Variants in KLHL14 observed in about 807,000 individuals in gnomAD.
KLHL14 encodes the protein kelch-like protein 14.
A neutral mutation model predicts 64.3 loss-of-function variants in KLHL14; 22 were observed. The observed-to-expected ratio is 0.34, with a 90% CI of 0.24 to 0.49. The LOEUF (loss-of-function observed/expected upper bound fraction) is 0.49, where lower values mean the gene tolerates loss of function less well. Ranked by LOEUF, KLHL14 falls within the 20% of genes least tolerant of loss-of-function variation. KLHL14 has a pLI of 0.99. For missense variants in KLHL14, 661 were observed against 789.0 expected (o/e 0.84, Z 1.94); for synonymous variants, 322 against 333.4 (o/e 0.97, Z 0.37).
intron 3 of KLHL14, among the ~76,000 whole-genome samples, chr18:32,723,639 A>G (rs1343990377): frequency 6.6e-6 from 1 of 152,144 alleles, no homozygotes; most frequent in Non-Finnish European, 1.5e-5. Context: ...TAACAATGTG[A>G]GGTCAATAGC....
At chr18:32,731,050 C>T (rs775917032) in intron 3 of KLHL14, among the ~76,000 whole-genome samples, 2 of 152,080 alleles carry the variant, frequency 1.3e-5, no homozygotes, top group Non-Finnish European at 2.9e-5. Context: ...CTTGCTCCAT[C>T]GGAAACACTT....
intron 3 of KLHL14, among the ~76,000 whole-genome samples, chr18:32,712,279 T>G (rs1416375689): frequency 1.3e-5 from 2 of 152,230 alleles, no homozygotes; most frequent in Admixed American, 1.3e-4. Flanking sequence ...CTCTAACATC[T>G]GCTCCCTGAT....
intron 2 of KLHL14, among the ~76,000 whole-genome samples, chr18:32,768,610 A>G (rs1334988590): frequency 1.3e-5 from 2 of 152,180 alleles, no homozygotes; most frequent in African/African-American, 4.8e-5. Flanking sequence ...AGAAACTGAG[A>G]GGATACTGTT....
At chr18:32,735,220 C>G (rs1460086842) in intron 3 of KLHL14, among the ~76,000 whole-genome samples, 2 of 152,074 alleles carry the variant, frequency 1.3e-5, no homozygotes, top group Admixed American at 1.3e-4. Context: ...GACTTTTTGA[C>G]TAACGGCATC....
chr18:32,733,852 G>A (rs555107387), intron 3 of KLHL14: 76 of 289,524 alleles, frequency 2.6e-4, no homozygotes, highest in African/African-American at 1.5e-3. Flanking sequence ...TGGTAGAATT[G>A]CTAAATTGCT....
chr18:32,721,548 A>G (rs964701746), intron 3 of KLHL14, among the ~76,000 whole-genome samples: 1 of 152,220 alleles, frequency 6.6e-6, no homozygotes. Context: ...CTTTATCCAT[A>G]TGAAATTTAT....
At chr18:32,750,681 T>C (rs1005092315) in intron 2 of KLHL14, among the ~76,000 whole-genome samples, 1 of 152,184 alleles carries the variant, frequency 6.6e-6, no homozygotes, top group Non-Finnish European at 1.5e-5. Context: ...ATGGTATCCT[T>C]GACTCTTCCA....
At chr18:32,692,288 G>A (rs145988024) in intron 4 of KLHL14, among the ~76,000 whole-genome samples, 6 of 152,152 alleles carry the variant, frequency 3.9e-5, no homozygotes, top group African/African-American at 1.4e-4. Flanking sequence ...AGCATGTATT[G>A]AAATTTGCAA....
intron 2 of KLHL14, chr18:32,744,439 T>A (rs2144533020): frequency 6.7e-6 from 1 of 149,922 alleles, no homozygotes; most frequent in African/African-American, 2.5e-5. Context: ...ATTGTGTCAT[T>A]GCACTCCAGC....
chr18:32,713,568 A>T (rs1223474480), intron 3 of KLHL14, among the ~76,000 whole-genome samples: 1 of 152,208 alleles, frequency 6.6e-6, no homozygotes, highest in Non-Finnish European at 1.5e-5. Flanking sequence ...AGCCTGGGCA[A>T]CATAGGGAGA....
intron 3 of KLHL14, among the ~76,000 whole-genome samples, chr18:32,733,483 G>A (rs897494535): frequency 1.3e-5 from 2 of 152,020 alleles, no homozygotes; most frequent in Non-Finnish European, 2.9e-5. Flanking sequence ...CATGGTCACC[G>A]GCCTTGGAGT....
At chr18:32,693,558 A>G (rs563879067) in intron 4 of KLHL14, among the ~76,000 whole-genome samples, 84 of 152,180 alleles carry the variant, frequency 5.5e-4, no homozygotes, top group Non-Finnish European at 1.1e-3. Context: ...AAGAAAAGAG[A>G]CACAATAGTC....
At chr18:32,759,822 C>T (rs2050304672) in intron 2 of KLHL14, among the ~76,000 whole-genome samples, 3 of 152,084 alleles carry the variant, frequency 2.0e-5, no homozygotes, top group Admixed American at 2.0e-4. Context: ...AACCAATCCA[C>T]CAAATTCATC....
Position 32,680,037 on chromosome 18 carries a change from C to G in KLHL14, c.1588+132G>C. 1 of 898,734 alleles carries G rather than the reference C, an allele frequency of 1.1e-6. No homozygotes were observed. The highest frequency in any genetic ancestry group is 2.7e-5 in the East Asian group (1 of 37,652). 55.7% of individuals were successfully genotyped at this position (898,734 alleles called of 1,614,324 possible). ...TGCTCAAGGGTACTGCCAATTTACA[C>G]AGAGTAGATTTTATTAGGTCAACAT... On this transcript the variant is annotated intron_variant, in intron 7 of 8. Transcript: ENST00000359358. This position sits in a 1 kb window ranked among gnomAD's most constrained non-coding sequence, Gnocchi z 4.8.
intron 3 of KLHL14, among the ~76,000 whole-genome samples, chr18:32,731,122 T>C (rs2050135182): frequency 6.6e-6 from 1 of 152,214 alleles, no homozygotes; most frequent in Admixed American, 6.5e-5. Flanking sequence ...AGTCAATTTA[T>C]GTATGATCCA....
At position 32,770,188 on chromosome 18, in the gene KLHL14, A is replaced by G; in HGVS notation, c.404T>C (p.Leu135Pro). The change falls in exon 2 of 9, where the codon CTG becomes CCG. Residue 135 changes from leucine to proline, a missense_variant. Transcript: ENST00000359358. This position sits in a 1 kb window ranked among gnomAD's most constrained non-coding sequence, Gnocchi z 6.7. ...GTAGAGGTACTCGAGCACCAGGCGCAGCCCGATGGACGAGCAGCCCTGCAG... is the reference window on the plus strand; with the variant it reads ...GTAGAGGTACTCGAGCACCAGGCGCGGCCCGATGGACGAGCAGCCCTGCAG... ...LVLQGCSSIG[L>P]RLVLEYLYTA... 6.2e-7 allele frequency: 1 copy of G among 1,613,286 alleles called. No homozygotes were observed. The highest frequency in any genetic ancestry group is 1.1e-5 in the South Asian group (1 of 91,074).
intron 3 of KLHL14, among the ~76,000 whole-genome samples, chr18:32,698,464 G>A (rs908834538): frequency 2.0e-5 from 3 of 152,170 alleles, no homozygotes; most frequent in Admixed American, 6.5e-5. Flanking sequence ...AAGTGACAGT[G>A]GAGATGAATG....
chr18:32,688,191 G>A (rs1409286616), intron 4 of KLHL14, among the ~76,000 whole-genome samples: 1 of 152,174 alleles, frequency 6.6e-6, no homozygotes, highest in East Asian at 1.9e-4. Flanking sequence ...AACTCTAAAA[G>A]TCTACCTTTA....
chr18:32,715,909 T>C (rs189601932), intron 3 of KLHL14, among the ~76,000 whole-genome samples: 5 of 152,252 alleles, frequency 3.3e-5, no homozygotes, highest in Admixed American at 3.3e-4. Context: ...CTGCCCAAAG[T>C]TTATTTCTAC....
Sources: gnomAD v4.1 joint callset for allele counts (sites outside exome capture counted in the v4.1 genomes callset) on GRCh38, gnomAD v4.1.1 for gene constraint, Gnocchi (gnomAD v3.1) non-coding constraint, MANE v1.5 for transcripts, NCBI Gene and HGNC (gene_info 2026-07-23, HGNC 2026-07-21) for gene names.